Variants in CACNB2 observed in about 807,000 individuals in gnomAD.
CACNB2 encodes voltage-dependent L-type calcium channel subunit beta-2.
In CACNB2, 42 loss-of-function variants were observed where a neutral mutation model predicts 73.3. The ratio of observed to expected loss-of-function variants is 0.57; its 90% confidence interval spans 0.45 to 0.74. The LOEUF (loss-of-function observed/expected upper bound fraction) is 0.74, where lower values mean the gene tolerates loss of function less well. CACNB2 is among the 30% of genes least tolerant of loss of function. The pLI, the probability that CACNB2 is intolerant of heterozygous loss-of-function variation, is 0.00. For synonymous variants in CACNB2, 348 were observed against 310.3 expected (o/e 1.12, Z -1.28); for missense variants, 940 against 853.0 (o/e 1.10, Z -1.27).
intron 3 of CACNB2, among the ~76,000 whole-genome samples, chr10:18,483,064 A>G (rs1390194701): frequency 2.0e-5 from 3 of 152,052 alleles, no homozygotes; most frequent in Non-Finnish European, 4.4e-5. Flanking sequence ...GTCTCTCAAC[A>G]CTGAAGCAAG....
intron 2 of CACNB2, among the ~76,000 whole-genome samples, chr10:18,369,032 T>C (rs544122913): frequency 3.7e-4 from 56 of 152,288 alleles, no homozygotes; most frequent in African/African-American, 1.3e-3. Context: ...GAGATCAAAT[T>C]TGAAATTTTT....
rs146388581 is a variant in CACNB2 at position 18,478,132 on chromosome 10, A to G, written c.334-20223A>G. ...TTTTTAGTAGAAACGGGATTTCACC[A>G]TGTTGCCCAGGATGGTCTCAAACTC... is the stretch of plus-strand genomic sequence containing the variant. On this transcript the variant is annotated intron_variant, in intron 3 of 13. Coordinates refer to ENST00000324631, the MANE Select transcript of CACNB2 (RefSeq NM_201596.3). 3.7e-3 allele frequency among the ~76,000 whole-genome samples: 568 copies of G among 152,234 alleles called. 4 individuals carry two copies. Among genetic ancestry groups the G allele is most frequent in the Non-Finnish European group, 6.9e-3 (467 of 68,004 alleles).
intron 3 of CACNB2, among the ~76,000 whole-genome samples, chr10:18,424,966 A>G (rs547597900): frequency 6.6e-6 from 1 of 152,232 alleles, no homozygotes; most frequent in African/African-American, 2.4e-5. Flanking sequence ...TGGGTATGTT[A>G]ATTAGCAGTG....
chr10:18,498,238 G>T, intron 3 of CACNB2, 117 bp from the exon 4 acceptor site: 2 of 1,256,362 alleles, frequency 1.6e-6, no homozygotes, highest in South Asian at 1.3e-5. Context: ...AACCAGTGCA[G>T]AGGGGAAACC....
intron 2 of CACNB2, among the ~76,000 whole-genome samples, chr10:18,277,193 G>A (rs920111294): frequency 5.3e-5 from 8 of 152,212 alleles, no homozygotes; most frequent in Non-Finnish European, 1.2e-4. Context: ...TGGAAGCTAT[G>A]TGATAAAGAA....
At position 18,400,990 on chromosome 10, in the gene CACNB2, C is replaced by T. The variant is rs1057522003; in HGVS notation, c.214-934C>T. 6.2e-7 allele frequency: 1 copy of T among 1,613,612 alleles called. No homozygotes were observed. The highest frequency in any genetic ancestry group is 1.1e-5 in the South Asian group (1 of 91,036). On this transcript the variant is annotated intron_variant, in intron 2 of 13. Coordinates refer to ENST00000324631, the MANE Select transcript of CACNB2 (RefSeq NM_201596.3). Reference sequence around the variant, plus strand: ...GCTCAGCGCGCACTGAGAACCTGTGCCCGGGGCTGCAGCTGCGGACGATAA... The same window carrying T: ...GCTCAGCGCGCACTGAGAACCTGTGTCCGGGGCTGCAGCTGCGGACGATAA...
intron 2 of CACNB2, among the ~76,000 whole-genome samples, chr10:18,302,517 TA>T (rs1156260297): frequency 6.6e-6 from 1 of 152,032 alleles, no homozygotes; most frequent in East Asian, 1.9e-4. Flanking sequence ...TACTCAGACA[TA>T]AAAAGGAATG....
At chr10:18,245,209 C>G (rs773946678) in intron 2 of CACNB2, among the ~76,000 whole-genome samples, 4 of 152,110 alleles carry the variant, frequency 2.6e-5, no homozygotes, top group African/African-American at 9.7e-5. Flanking sequence ...ATAGCAAACA[C>G]ATACAGGCAC....
At chr10:18,495,813 A>G (rs1279166423) in intron 3 of CACNB2, among the ~76,000 whole-genome samples, 2 of 152,108 alleles carry the variant, frequency 1.3e-5, no homozygotes. Context: ...TAAACTTTAT[A>G]TACTTAAGAA....
chr10:18,401,853 T>C, intron 2 of CACNB2, 71 bp from the exon 3 acceptor site: 2 of 1,485,794 alleles, frequency 1.3e-6, no homozygotes, highest in Non-Finnish European at 1.9e-6. Flanking sequence ...CTAACTGCTG[T>C]GTCGATGAGA....
At chr10:18,247,912 C>T (rs17608196) in intron 2 of CACNB2, among the ~76,000 whole-genome samples, 14,580 of 152,178 alleles carry the variant, frequency 0.096, 807 homozygotes, top group Non-Finnish European at 0.12. Context: ...CACAGCTTCC[C>T]CTGTTTCATA....
At position 18,451,471 on chromosome 10, in the gene CACNB2, G is replaced by A. The variant is rs144374081; in HGVS notation, c.334-46884G>A. Among the ~76,000 whole-genome samples the A allele has an allele frequency of 2.2e-3, 340 of 152,268 alleles. 1 individual carries two copies. Among genetic ancestry groups the A allele is most frequent in the African/African-American group, 7.5e-3 (311 of 41,554 alleles). On this transcript the variant is annotated intron_variant, in intron 3 of 13. Transcript: ENST00000324631. Reference sequence around the variant, plus strand: ...AAGACACATCACATCTGCCACATCAGTTTAGCACTGTTCTAAACTAGGTTG... The same window carrying A: ...AAGACACATCACATCTGCCACATCAATTTAGCACTGTTCTAAACTAGGTTG...
At chr10:18,239,214 G>T (rs980024328) in intron 2 of CACNB2, among the ~76,000 whole-genome samples, 1 of 151,900 alleles carries the variant, frequency 6.6e-6, no homozygotes, top group African/African-American at 2.4e-5. Flanking sequence ...TTTGTTACAC[G>T]GATATATTGT....
chr10:18,306,240 G>A (rs550588666), intron 2 of CACNB2, among the ~76,000 whole-genome samples: 2 of 152,160 alleles, frequency 1.3e-5, no homozygotes, highest in Admixed American at 6.5e-5. Context: ...CCTCCTTCTA[G>A]AAGGAGGAAG....
chr10:18,236,301 A>G (rs1470952679), intron 2 of CACNB2, among the ~76,000 whole-genome samples: 1 of 152,242 alleles, frequency 6.6e-6, no homozygotes, highest in Non-Finnish European at 1.5e-5. Flanking sequence ...ACACAGAGGC[A>G]CGATCGGCTG....
At chr10:18,141,382 C>A (rs189851292) in intron 1 of CACNB2, among the ~76,000 whole-genome samples, 1 of 152,346 alleles carries the variant, frequency 6.6e-6, no homozygotes, top group Admixed American at 6.5e-5. Context: ...CCCCCCAGAG[C>A]TGCCCGGACC....
At chr10:18,319,434 C>A (rs1368197103) in intron 2 of CACNB2, among the ~76,000 whole-genome samples, 2 of 151,854 alleles carry the variant, frequency 1.3e-5, no homozygotes, top group African/African-American at 4.8e-5. Context: ...CCAACCCACA[C>A]CAGGGCCTCT....
intron 2 of CACNB2, chr10:18,261,266 C>T (rs1293829852): frequency 3.2e-6 from 5 of 1,551,318 alleles, no homozygotes; most frequent in Non-Finnish European, 4.4e-6. Flanking sequence ...TCTGCCCCCT[C>T]TTCATGCAGT....
At chr10:18,165,202 T>C (rs1413780267) in intron 2 of CACNB2, among the ~76,000 whole-genome samples, 1 of 152,000 alleles carries the variant, frequency 6.6e-6, no homozygotes, top group Non-Finnish European at 1.5e-5. Flanking sequence ...GAAGAATGAG[T>C]TGAAATGTTC....
Sources: gnomAD v4.1 joint callset for allele counts (sites outside exome capture counted in the v4.1 genomes callset) on GRCh38, gnomAD v4.1.1 for gene constraint, MANE v1.5 for transcripts, NCBI Gene and HGNC (gene_info 2026-07-23, HGNC 2026-07-21) for gene names.